Variants in NUMA1 observed in about 807,000 individuals in gnomAD.
The protein encoded by NUMA1 is SP-H antigen.
A neutral mutation model predicts 237.1 loss-of-function variants in NUMA1; 62 were observed. The ratio of observed to expected loss-of-function variants is 0.26; its 90% confidence interval spans 0.21 to 0.32. The LOEUF is 0.32. Among genes scored for constraint, NUMA1 ranks in the 10% least tolerant of loss-of-function variants. The probability of loss-of-function intolerance (pLI) is 1.00; values close to 1 mark genes in which losing one functional copy is unlikely to be tolerated. For missense variants in NUMA1, 2,533 were observed against 2,666.5 expected (o/e 0.95, Z 1.10); for synonymous variants, 1,028 against 1,066.1 (o/e 0.96, Z 0.70).
chr11:72,052,986 C>G (rs748354191), intron 2 of NUMA1, among the ~76,000 whole-genome samples: 1 of 152,144 alleles, frequency 6.6e-6, no homozygotes, highest in African/African-American at 2.4e-5. Context: ...GCTAAGATTA[C>G]AAGGTCTGAA....
Position 72,004,241 on chromosome 11 carries a change from G to A in NUMA1, c.6107C>T (p.Pro2036Leu), listed in dbSNP as rs761541555. The change falls in exon 25 of 27, where the codon CCA becomes CTA. Residue 2036 changes from proline to leucine, a missense_variant. Coordinates refer to ENST00000393695, the MANE Select transcript of NUMA1 (RefSeq NM_006185.4). ...CAGCCTCACCTGTTTAGTAGAAGCT[G>A]GAGCTGCTTTCTTCTGGGCCTCAGT... Reference protein sequence around the residue: ...STTEAQKKAAPASTKQADRRQ... With the variant: ...STTEAQKKAALASTKQADRRQ... The A allele has an allele frequency of 2.5e-6, 4 of 1,611,548 alleles. No individual in the cohort carries two copies. Among genetic ancestry groups the A allele is most frequent in the Non-Finnish European group, 3.4e-6 (4 of 1,179,364 alleles).
In NUMA1 at chr11:72,017,762, G is replaced by C. The variant is rs778887957; in HGVS notation, c.1044C>G (p.His348Gln). ...CTAGCCACTCCTGAGTGGCCTTGCTGTGCTCCTCCGTCAGCTCATTGAGGG... is the reference window on the plus strand; with the variant it reads ...CTAGCCACTCCTGAGTGGCCTTGCTCTGCTCCTCCGTCAGCTCATTGAGGG... Reference protein sequence around the residue: ...QDALNELTEEHSKATQEWLEK... With the variant: ...QDALNELTEEQSKATQEWLEK... Residue 348 changes from histidine to glutamine, a missense_variant, in exon 13 of 27, where the codon CAC becomes CAG. Around this residue, in one of 3 missense-constraint regions of NUMA1, gnomAD observed 1,414 missense variants for 1,508.1 expected, o/e 0.94. Coordinates refer to ENST00000393695, the MANE Select transcript of NUMA1 (RefSeq NM_006185.4). The C allele has an allele frequency of 6.2e-7, 1 of 1,613,272 alleles. No individual in the cohort carries two copies.
At chr11:72,046,218 G>A (rs936768738) in intron 2 of NUMA1, among the ~76,000 whole-genome samples, 6 of 152,244 alleles carry the variant, frequency 3.9e-5, no homozygotes, top group African/African-American at 1.4e-4. Flanking sequence ...ACTGTCCTCA[G>A]AAGAGCGGGA....
At position 72,014,003 on chromosome 11, in the gene NUMA1, A is replaced by G. The variant is rs1956324318; in HGVS notation, c.3500T>C (p.Leu1167Pro). 1 of 1,611,946 alleles carries G rather than the reference A, an allele frequency of 6.2e-7. No homozygotes were observed. Among genetic ancestry groups the G allele is most frequent in the Non-Finnish European group, 8.5e-7 (1 of 1,179,918 alleles). Residue 1167 changes from leucine to proline, a missense_variant, in exon 15 of 27, where the codon CTG becomes CCG. By Grantham distance (98) the Leu-to-Pro change is moderately conservative. Transcript: ENST00000393695. This position sits in a 1 kb window ranked among gnomAD's most constrained non-coding sequence, Gnocchi z 4.6. ...RAERDSALET[L>P]QGQLEEKAQE... ...GGCCTTCTCCTCTAACTGGCCCTGC[A>G]GAGTCTCCAGAGCACTGTCCCGCTC... is the stretch of plus-strand genomic sequence containing the variant.
chr11:72,048,811 A>G (rs912204622), intron 2 of NUMA1, among the ~76,000 whole-genome samples: 1 of 152,166 alleles, frequency 6.6e-6, no homozygotes, highest in African/African-American at 2.4e-5. Context: ...GCACCAAGAA[A>G]AGTCTTGTAC....
chr11:72,018,305 G>C lies in NUMA1; in HGVS notation c.861-5C>G. 1 of 1,612,408 alleles carries C rather than the reference G, an allele frequency of 6.2e-7. No individual in the cohort carries two copies. The highest frequency in any genetic ancestry group is 8.5e-7 in the Non-Finnish European group (1 of 1,178,406). On this transcript the variant is annotated splice_region_variant and splice_polypyrimidine_tract_variant and intron_variant, in intron 11 of 26. Transcript: ENST00000393695. ...TCATGCAGCCGCATGGTAAGGCTGC[G>C]AGGGAGGGAAGCAGTGAGAAGAGAG...
At chr11:72,007,100 C>A in intron 21 of NUMA1, 89 bp downstream of exon 21, 1 of 1,498,174 alleles carries the variant, frequency 6.7e-7, no homozygotes, top group South Asian at 1.2e-5. Context: ...GCTCATCCCT[C>A]CCTGCTCCTG....
At chr11:72,005,969 T>C (rs1265002065) in intron 22 of NUMA1, 66 bp downstream of exon 22, 5 of 1,326,338 alleles carry the variant, frequency 3.8e-6, no homozygotes, top group Middle Eastern at 2.1e-4. Flanking sequence ...TTTCCTCTTT[T>C]CCCTGTGCCA....
intron 12 of NUMA1, 145 bp from the exon 13 acceptor site, chr11:72,017,972 T>C: frequency 9.2e-7 from 1 of 1,087,010 alleles, no homozygotes; most frequent in East Asian, 2.5e-5. Context: ...ACACCTCTAA[T>C]TCAGAACTAC....
chr11:72,003,884 T>C lies in NUMA1; in HGVS notation c.6336+3A>G, dbSNP rs758497698. On this transcript the variant is annotated splice_donor_region_variant and intron_variant, in intron 26 of 26. Transcript: ENST00000393695. Reference sequence around the variant, plus strand: ...CCCTCCCCCATCCTGCCAGTGCCTCTACCTTGCCCTTGGCTCGAGGGGTGG... The same window carrying C: ...CCCTCCCCCATCCTGCCAGTGCCTCCACCTTGCCCTTGGCTCGAGGGGTGG... 8 of 1,613,404 alleles carry C rather than the reference T, an allele frequency of 5.0e-6. No homozygotes were observed. In the South Asian group the frequency reaches 7.7e-5, roughly 16 times the overall value.
chr11:72,045,632 C>A (rs1340438425), intron 2 of NUMA1, among the ~76,000 whole-genome samples: 1 of 152,060 alleles, frequency 6.6e-6, no homozygotes, highest in Non-Finnish European at 1.5e-5. Context: ...GTGCATGCCA[C>A]CACGCCTGAC....
chr11:72,073,118 C>T (rs567475656), intron 1 of NUMA1, among the ~76,000 whole-genome samples: 4 of 143,466 alleles, frequency 2.8e-5, no homozygotes, highest in Admixed American at 7.2e-5. Context: ...TAGCACTTTG[C>T]GAGGCCGAGG....
At chr11:72,017,940 C>G (rs1487601556) in intron 12 of NUMA1, 113 bp from the exon 13 acceptor site, 2 of 1,294,486 alleles carry the variant, frequency 1.5e-6, no homozygotes, top group Non-Finnish European at 2.1e-6. Flanking sequence ...TGCCAACCCT[C>G]TACAAACCAA....
intron 16 of NUMA1, 29 bp from the exon 17 acceptor site, chr11:72,010,883 T>C: frequency 6.3e-7 from 1 of 1,596,934 alleles, no homozygotes; most frequent in South Asian, 1.1e-5. Context: ...GACAGAAGAC[T>C]CAGGAGGACT....
At chr11:72,034,458 C>T (rs918464289) in intron 3 of NUMA1, among the ~76,000 whole-genome samples, 4 of 151,650 alleles carry the variant, frequency 2.6e-5, no homozygotes, top group Admixed American at 2.6e-4. Context: ...CCTGTAATCC[C>T]AGCACTTTGG....
chr11:72,060,095 T>C (rs77315934), intron 2 of NUMA1, among the ~76,000 whole-genome samples: 4,586 of 152,254 alleles, frequency 0.03, 64 homozygotes, highest in East Asian at 0.073. Context: ...TCAAAGCTGT[T>C]TTTTTAACAA....
Position 72,004,757 on chromosome 11 carries a change from C to T in NUMA1, c.5889G>A (p.Glu1963=). The T allele has an allele frequency of 6.2e-7, 1 of 1,604,990 alleles. No homozygotes were observed. The highest frequency in any genetic ancestry group is 8.5e-7 in the Non-Finnish European group (1 of 1,176,698). Residue 1963 remains glutamate, a synonymous_variant, in exon 24 of 27, where the codon GAG becomes GAA. Transcript: ENST00000393695. ...DEEMKTGDPQ[E]TLRRASMQPI... ...GCTGCATGCTGGCTCGGCGCAGGGT[C>T]TCTTGGGGGTCTCCAGTTTTCATCT...
At position 72,034,123 on chromosome 11, in the gene NUMA1, A is replaced by T. The variant is rs542535726; in HGVS notation, c.42+1779T>A. 3.9e-5 allele frequency among the ~76,000 whole-genome samples: 6 copies of T among 152,188 alleles called. 1 individual carries two copies. The highest frequency in any genetic ancestry group is 4.1e-4 in the South Asian group (2 of 4,824). On this transcript the variant is annotated intron_variant, in intron 3 of 26. Coordinates refer to ENST00000393695, the MANE Select transcript of NUMA1 (RefSeq NM_006185.4). ...GAATGAGACTCTATGTCTATTTTTT[A>T]AAAAAAGAAAAATGGTTGGCTCTCC...
chr11:72,036,396 A>G (rs1254965661), intron 2 of NUMA1, among the ~76,000 whole-genome samples: 1 of 152,222 alleles, frequency 6.6e-6, no homozygotes, highest in Non-Finnish European at 1.5e-5. Flanking sequence ...CTTTTTCTTT[A>G]TCTGCAAAAT....
Sources: gnomAD v4.1 joint callset for allele counts (sites outside exome capture counted in the v4.1 genomes callset) on GRCh38, gnomAD v4.1.1 for gene constraint, gnomAD v4.1.1 regional missense constraint, Gnocchi (gnomAD v3.1) non-coding constraint, MANE v1.5 for transcripts, NCBI Gene and HGNC (gene_info 2026-07-23, HGNC 2026-07-21) for gene names.